Variants in PRR12 observed in about 807,000 individuals in gnomAD.
The protein encoded by PRR12 is proline-rich protein 12.
A neutral mutation model predicts 138.0 loss-of-function variants in PRR12; 12 were observed. The ratio of observed to expected loss-of-function variants is 0.09; its 90% CI spans 0.06 to 0.14. The LOEUF (loss-of-function observed/expected upper bound fraction) is 0.14, where lower values mean the gene tolerates loss of function less well. PRR12 is among the 10% of genes least tolerant of loss of function. PRR12 has a pLI of 1.00. For synonymous variants in PRR12, 1,567 were observed against 1,291.7 expected (o/e 1.21, Z -4.57); for missense variants, 2,692 against 2,861.3 (o/e 0.94, Z 1.35).
chr19:49,618,569 G>A (rs2080904422), intron 9 of PRR12, among the ~76,000 whole-genome samples: 1 of 152,032 alleles, frequency 6.6e-6, no homozygotes. Flanking sequence ...TGTATTTTTA[G>A]TAGAGATGAG....
At chr19:49,592,157 C>T (rs1052460877) in intron 1 of PRR12, among the ~76,000 whole-genome samples, 7 of 152,230 alleles carry the variant, frequency 4.6e-5, no homozygotes, top group African/African-American at 1.7e-4. Context: ...GGGCGCGAAC[C>T]CCCTCTCAGG....
In PRR12 at chr19:49,601,633, A is replaced by T. The variant is rs369659675; in HGVS notation, c.4488A>T (p.Pro1496=). Residue 1496 remains proline (P), a synonymous_variant, in exon 6 of 14, where the codon CCA becomes CCT. Transcript: ENST00000418929. ...TGGTGGCCCCCACGCCCAGCTCACC[A>T]CCGCCACCGCCGCTGCCGCCGCCAC... ...PPLVAPTPSS[P]PPPPLPPPPP... 10,477 of 1,527,896 alleles carry T rather than the reference A, an allele frequency of 6.9e-3. 60 individuals carry two copies. The highest frequency in any genetic ancestry group is 8.0e-3 in the Non-Finnish European group (9,143 of 1,141,280). 94.6% of individuals were successfully genotyped at this position (1,527,896 alleles called of 1,614,324 possible). A position where few individuals can be genotyped will look rare whatever the true frequency, so the allele number is the denominator to read the frequency against.
chr19:49,614,389 A>T lies in PRR12; in HGVS notation c.4774-144A>T. On this transcript the variant is annotated intron_variant, in intron 6 of 13. Transcript: ENST00000418929. This position sits in a 1 kb window ranked among gnomAD's most constrained non-coding sequence, Gnocchi z 5.0. ...AGCTGTACACAGAGCTGAACACATCATGGGGGTAGAAGATATTTGTTGTTG... is the reference window on the plus strand; with the variant it reads ...AGCTGTACACAGAGCTGAACACATCTTGGGGGTAGAAGATATTTGTTGTTG... 2 of 601,448 alleles carry T rather than the reference A, an allele frequency of 3.3e-6. No individual in the cohort carries two copies. Among genetic ancestry groups the T allele is most frequent in the Non-Finnish European group, 5.8e-6 (2 of 344,972 alleles). The allele number at this position is 601,448 out of a possible 1,614,324, so 37.3% of individuals were successfully genotyped here.
At position 49,596,601 on chromosome 19, in the gene PRR12, C is replaced by A; in HGVS notation, c.2266C>A (p.Leu756Met). Residue 756 changes from leucine to methionine, a missense_variant, in exon 4 of 14, where the codon CTG (leucine) becomes ATG (methionine). Physicochemically the swap from Leu to Met is conservative, Grantham distance 15. This residue lies in a region of PRR12 where 840 missense variants were observed against 689.8 expected (regional missense o/e 1.22). Transcript: ENST00000418929. This position sits in a 1 kb window ranked among gnomAD's most constrained non-coding sequence, Gnocchi z 5.6. ...VVHYGAGAKE[L>M]GAFLQKSPPP... is the part of the protein sequence containing the mutation. ...CCACTACGGGGCAGGCGCCAAGGAG[C>A]TGGGGGCCTTCTTGCAAAAGAGCCC... 6.3e-7 allele frequency: 1 copy of A among 1,594,204 alleles called. No homozygotes were observed. Among genetic ancestry groups the A allele is most frequent in the Non-Finnish European group, 8.5e-7 (1 of 1,170,922 alleles).
At position 49,599,666 on chromosome 19, in the gene PRR12, G is replaced by A; in HGVS notation, c.4073G>A (p.Gly1358Asp). Residue 1358 changes from glycine (G) to aspartate (D), a missense_variant, in exon 5 of 14, where the codon GGC becomes GAC. By Grantham distance (94) the Gly-to-Asp change is moderately conservative (BLOSUM62 -1). Coordinates refer to ENST00000418929, the MANE Select transcript of PRR12 (RefSeq NM_020719.3). This position sits in a 1 kb window ranked among gnomAD's most constrained non-coding sequence, Gnocchi z 5.0. ...GCAGAGAGTGAGGGTCTGGGGCTTG[G>A]CTGCCCTTCACCCTGCAAGCGGCTT... ...EAAESEGLGL[G>D]CPSPCKRLDE... 6.2e-7 allele frequency: 1 copy of A among 1,612,572 alleles called. No individual in the cohort carries two copies. The highest frequency in any genetic ancestry group is 8.5e-7 in the Non-Finnish European group (1 of 1,179,052).
chr19:49,596,178 T>C lies in PRR12; in HGVS notation c.1843T>C (p.Tyr615His). 3 of 1,609,910 alleles carry C rather than the reference T, an allele frequency of 1.9e-6. No homozygotes were observed. Among genetic ancestry groups the C allele is most frequent in the Non-Finnish European group, 2.5e-6 (3 of 1,179,770 alleles). Reference sequence around the variant, plus strand: ...CAGCTATGCAGCCGGAGCAGGTGGCTACAAGGGCAAGGGGGATGGCTCGGA... The same window carrying C: ...CAGCTATGCAGCCGGAGCAGGTGGCCACAAGGGCAAGGGGGATGGCTCGGA... Reference protein sequence around the residue: ...AGSYAAGAGGYKGKGDGSELL... With the variant: ...AGSYAAGAGGHKGKGDGSELL... The change falls in exon 4 of 14, where the codon TAC becomes CAC. Residue 615 changes from tyrosine (Y) to histidine (H), a missense_variant. Physicochemically the swap from Tyr to His is moderately conservative, Grantham distance 83. Coordinates refer to ENST00000418929, the MANE Select transcript of PRR12 (RefSeq NM_020719.3). This position sits in a 1 kb window ranked among gnomAD's most constrained non-coding sequence, Gnocchi z 5.6.
chr19:49,622,570 C>T (rs536696645), intron 11 of PRR12, among the ~76,000 whole-genome samples: 7 of 144,492 alleles, frequency 4.8e-5, no homozygotes, highest in South Asian at 2.2e-4. Flanking sequence ...CCAGCCTGGG[C>T]GACAGAGCAA....
At chr19:49,604,152 A>C (rs1229129756) in intron 6 of PRR12, among the ~76,000 whole-genome samples, 5 of 152,086 alleles carry the variant, frequency 3.3e-5, no homozygotes, top group African/African-American at 1.2e-4. Flanking sequence ...TTTTTGAGGC[A>C]AACTCAAATG....
chr19:49,615,098 G>C, intron 8 of PRR12, 89 bp downstream of exon 8: 1 of 1,558,278 alleles, frequency 6.4e-7, no homozygotes, highest in Non-Finnish European at 8.7e-7. Flanking sequence ...CTGGAGAGTG[G>C]GGGGTGGGGA....
In PRR12 at chr19:49,593,347, G is replaced by A. The variant is rs1599782799; in HGVS notation, c.107G>A (p.Arg36Lys). 1.9e-6 allele frequency: 3 copies of A among 1,609,332 alleles called. No individual in the cohort carries two copies. Among genetic ancestry groups the A allele is most frequent in the Non-Finnish European group, 2.5e-6 (3 of 1,178,162 alleles). Reference sequence around the variant, plus strand: ...CCCAGCTTGGTTTATGGCAGCTCCAGGACCTCGCACCCCGAGACGGACATC... The same window carrying A: ...CCCAGCTTGGTTTATGGCAGCTCCAAGACCTCGCACCCCGAGACGGACATC... ...AKASLVYGSS[R>K]TSHPETDILH... Residue 36 changes from arginine to lysine, a missense_variant, in exon 2 of 14, where the codon AGG (arginine) becomes AAG (lysine). By Grantham distance (26) the Arg-to-Lys change is conservative. Coordinates refer to ENST00000418929, the MANE Select transcript of PRR12 (RefSeq NM_020719.3).
In PRR12 at chr19:49,597,915, A is replaced by G. The variant is rs941383811; in HGVS notation, c.3580A>G (p.Thr1194Ala). 1 of 1,405,758 alleles carries G rather than the reference A, an allele frequency of 7.1e-7. No homozygotes were observed. Among genetic ancestry groups the G allele is most frequent in the South Asian group, 1.6e-5 (1 of 60,656 alleles). The allele number at this position is 1,405,758 out of a possible 1,614,324, so 87.1% of individuals were successfully genotyped here. A position where few individuals can be genotyped will look rare whatever the true frequency, so the allele number is the denominator to read the frequency against. Reference sequence around the variant, plus strand: ...GGGGCCCGCCTCGGCCTCCACGCCCACCGATGGCGCCAAGAAACCCCGGGG... The same window carrying G: ...GGGGCCCGCCTCGGCCTCCACGCCCGCCGATGGCGCCAAGAAACCCCGGGG... Reference protein sequence around the residue: ...TAGPASASTPTDGAKKPRGRG... With the variant: ...TAGPASASTPADGAKKPRGRG... Residue 1194 changes from threonine to alanine, a missense_variant, in exon 4 of 14, where the codon ACC becomes GCC. Thr to Ala is a moderately conservative substitution (Grantham distance 58). Around this residue, in one of 11 missense-constraint regions of PRR12, gnomAD observed 326 missense variants for 344.2 expected, o/e 0.95. Coordinates refer to ENST00000418929, the MANE Select transcript of PRR12 (RefSeq NM_020719.3). This position sits in a 1 kb window ranked among gnomAD's most constrained non-coding sequence, Gnocchi z 6.3.
chr19:49,598,830 A>T (rs2080792895), intron 4 of PRR12, among the ~76,000 whole-genome samples: 1 of 152,022 alleles, frequency 6.6e-6, no homozygotes, highest in Non-Finnish European at 1.5e-5. Flanking sequence ...AGATAAAGGA[A>T]ATTCTGGGTT....
At chr19:49,615,137 G>A in intron 8 of PRR12, 128 bp downstream of exon 8, 1 of 1,350,036 alleles carries the variant, frequency 7.4e-7, no homozygotes, top group Non-Finnish European at 1.0e-6. Context: ...CCCAGAGAGA[G>A]AGGGGGACAG....
chr19:49,591,840 C>G, intron 1 of PRR12, 100 bp downstream of exon 1: 1 of 630,522 alleles, frequency 1.6e-6, no homozygotes, highest in Non-Finnish European at 2.4e-6. Context: ...GCGTGCATCG[C>G]AAACTCCCCT....
chr19:49,615,682 G>C (rs1416368871), intron 8 of PRR12, 65 bp from the exon 9 acceptor site: 6 of 1,372,018 alleles, frequency 4.4e-6, no homozygotes, highest in East Asian at 4.8e-5. Flanking sequence ...ACTGAGCAGG[G>C]ACCCTGAGGA....
rs1218577593 is a variant in PRR12, at chr19:49,599,887, G to A, written c.4294G>A (p.Gly1432Arg). 1 of 1,611,922 alleles carries A rather than the reference G, an allele frequency of 6.2e-7. No individual in the cohort carries two copies. The highest frequency in any genetic ancestry group is 1.7e-5 in the Admixed American group (1 of 59,998). The change falls in exon 5 of 14, where the codon GGG becomes AGG. Residue 1432 changes from glycine (G) to arginine (R), a missense_variant. By Grantham distance (125) the Gly-to-Arg change is moderately radical (BLOSUM62 -2). Transcript: ENST00000418929. This position sits in a 1 kb window ranked among gnomAD's most constrained non-coding sequence, Gnocchi z 5.0. The stretch of plus-strand genomic sequence containing the variant: ...CTTGGCCCCCGCGGCTGCAGTTCCA[G>A]GGCCACCCCCTCTTCCGGGGCTCCC... ...PPLAPAAAVP[G>R]PPPLPGLPSA...
chr19:49,625,502 G>A lies in PRR12; in HGVS notation c.6006G>A (p.Glu2002=). 6.2e-7 allele frequency: 1 copy of A among 1,611,054 alleles called. No homozygotes were observed. The highest frequency in any genetic ancestry group is 8.5e-7 in the Non-Finnish European group (1 of 1,178,792). ...GCGGCGCCGAGGACCTGGGCCAGGA[G>A]GAGGTGGTCCAGCAGTGCATGCGGA... The part of the protein sequence containing the change: ...IEGGAEDLGQ[E]EVVQQCMRNQ... Residue 2002 remains glutamate (E), a synonymous_variant, in exon 14 of 14, where the codon GAG becomes GAA. Transcript: ENST00000418929. This position sits in a 1 kb window ranked among gnomAD's most constrained non-coding sequence, Gnocchi z 5.5.
chr19:49,614,811 G>C lies in PRR12; in HGVS notation c.4891-65G>C. The C allele has an allele frequency of 6.2e-7, 1 of 1,608,292 alleles. No homozygotes were observed. The highest frequency in any genetic ancestry group is 8.5e-7 in the Non-Finnish European group (1 of 1,175,640). On this transcript the variant is annotated intron_variant, in intron 7 of 13. Coordinates refer to ENST00000418929, the MANE Select transcript of PRR12 (RefSeq NM_020719.3). The surrounding 1 kb of genome is among the most constrained non-coding windows in gnomAD (Gnocchi z 5.0). ...CAGCTGCCATGGTGGCCCAGGGCAC[G>C]GGGGTGTTGGCCATCTGGCTGGGCA...
At chr19:49,603,782 T>A (rs542416086) in intron 6 of PRR12, among the ~76,000 whole-genome samples, 1 of 152,250 alleles carries the variant, frequency 6.6e-6, no homozygotes, top group South Asian at 2.1e-4. Flanking sequence ...ATGGGAAGAA[T>A]TAATTATTAA....
Sources: allele counts gnomAD v4.1 joint callset (sites outside exome capture counted in the v4.1 genomes callset), GRCh38; gene constraint gnomAD v4.1.1; regional missense constraint gnomAD v4.1.1; non-coding constraint Gnocchi (gnomAD v3.1); transcripts MANE v1.5; gene names NCBI Gene and HGNC (gene_info 2026-07-23, HGNC 2026-07-21).